PFKP: variants seen among roughly 807,000 people sequenced by gnomAD.
PFKP encodes the protein ATP-dependent 6-phosphofructokinase, platelet type.
In PFKP, 101 loss-of-function variants were observed where a neutral mutation model predicts 94.3. The ratio of observed to expected loss-of-function variants is 1.07; its 90% CI spans 0.91 to 1.26. The LOEUF is 1.26. PFKP is among the 50% of genes most tolerant of loss of function. PFKP has a pLI of 0.00. For synonymous variants in PFKP, 573 were observed against 432.6 expected (o/e 1.32, Z -4.03); for missense variants, 1,145 against 1,103.3 (o/e 1.04, Z -0.53).
intron 16 of PFKP, among the ~76,000 whole-genome samples, chr10:3,124,446 C>T (rs1837725263): frequency 6.6e-6 from 1 of 152,202 alleles, no homozygotes; most frequent in Admixed American, 6.5e-5. Context: ...GCGCATTTCC[C>T]AGTGGAACCC....
rs35568047 is a variant in PFKP, at chr10:3,121,062, T to TAA, written c.1683+1024_1683+1025dup. On this transcript the variant is annotated intron_variant, in intron 16 of 21. Coordinates refer to ENST00000381125, the MANE Select transcript of PFKP (RefSeq NM_002627.5). ...GAAACTTATTTCTAGCACTGGTAAA[T>TAA]AAAAAAACAAGCTTTTAACATACAG... 1.4e-4 allele frequency among the ~76,000 whole-genome samples: 21 copies of TAA among 152,232 alleles called. No individual in the cohort carries two copies. In the East Asian group the frequency reaches 3.3e-3, roughly 24 times the overall value.
At position 3,118,701 on chromosome 10, in the gene PFKP, C is replaced by A. The variant is rs555490365; in HGVS notation, c.1443-81C>A. 4.6e-5 allele frequency: 43 copies of A among 929,834 alleles called. No individual in the cohort carries two copies. In the South Asian group the frequency reaches 4.9e-4, roughly 11 times the overall value. The allele number at this position is 929,834 out of a possible 1,614,324, so 57.6% of individuals were successfully genotyped here. On this transcript the variant is annotated intron_variant, in intron 14 of 21. Transcript: ENST00000381125. ...AAAACCACAGACTGGGGAAGGCGGC[C>A]GGGTGGGGACCGGCGTGGCGTCCTG...
chr10:3,134,903 A>G (rs1327967708), intron 20 of PFKP, among the ~76,000 whole-genome samples: 1 of 152,124 alleles, frequency 6.6e-6, no homozygotes, highest in Non-Finnish European at 1.5e-5. Flanking sequence ...GGGGCCTTCT[A>G]TTTTTTGAAT....
intron 3 of PFKP, among the ~76,000 whole-genome samples, chr10:3,100,270 C>T (rs1488594527): frequency 6.6e-6 from 1 of 151,982 alleles, no homozygotes. Context: ...GTCCAGAGAG[C>T]ACCCCTGCCC....
intron 16 of PFKP, among the ~76,000 whole-genome samples, chr10:3,127,588 C>G: frequency 6.6e-6 from 1 of 152,192 alleles, no homozygotes; most frequent in Middle Eastern, 3.2e-3. Context: ...CGTCTTAAGT[C>G]TTAGATCACA....
In PFKP at chr10:3,067,582, T is replaced by A; in HGVS notation, c.-14T>A. 1 of 1,443,052 alleles carries A rather than the reference T, an allele frequency of 6.9e-7. No homozygotes were observed. Among genetic ancestry groups the A allele is most frequent in the Non-Finnish European group, 9.4e-7 (1 of 1,064,206 alleles). 89.4% of individuals were successfully genotyped at this position (1,443,052 alleles called of 1,614,324 possible). A position where few individuals can be genotyped will look rare whatever the true frequency, so the allele number is the denominator to read the frequency against. ...TGCGCACCCGGACGTGCGGCTCCCCTCGGCCTCCTCGCCATGGACGCGGAC... is the reference window on the plus strand; with the variant it reads ...TGCGCACCCGGACGTGCGGCTCCCCACGGCCTCCTCGCCATGGACGCGGAC... On this transcript the variant is annotated 5_prime_UTR_variant, in exon 1 of 22. Coordinates refer to ENST00000381125, the MANE Select transcript of PFKP (RefSeq NM_002627.5).
At chr10:3,087,151 G>T (rs1398699644) in intron 2 of PFKP, among the ~76,000 whole-genome samples, 1 of 152,102 alleles carries the variant, frequency 6.6e-6, no homozygotes, top group African/African-American at 2.4e-5. Context: ...TAGAGACGGG[G>T]TTTCAACATG....
At chr10:3,108,114 T>G in intron 8 of PFKP, 2 of 898,958 alleles carry the variant, frequency 2.2e-6, no homozygotes, top group Non-Finnish European at 3.1e-6. Context: ...GGCAAAGATT[T>G]TATTTCCCGC....
chr10:3,084,073 A>C (rs1359303165), intron 2 of PFKP, among the ~76,000 whole-genome samples: 7 of 152,196 alleles, frequency 4.6e-5, no homozygotes, highest in Non-Finnish European at 1.0e-4. Context: ...AGCTATTGTA[A>C]CACTGCAAGA....
At chr10:3,120,321 G>C (rs757108136) in intron 16 of PFKP, among the ~76,000 whole-genome samples, 9 of 152,044 alleles carry the variant, frequency 5.9e-5, no homozygotes, top group Non-Finnish European at 1.2e-4. Flanking sequence ...GAGGCGCTGA[G>C]GAGGGCTGGG....
intron 10 of PFKP, among the ~76,000 whole-genome samples, chr10:3,110,062 C>G (rs1423808812): frequency 6.6e-6 from 1 of 152,084 alleles, no homozygotes; most frequent in East Asian, 1.9e-4. Context: ...TCTGGTCACC[C>G]GAAGATACAC....
chr10:3,109,516 G>C, intron 10 of PFKP, 36 bp downstream of exon 10: 1 of 1,592,336 alleles, frequency 6.3e-7, no homozygotes, highest in African/African-American at 1.3e-5. Context: ...GCAGGGCGGA[G>C]ACGGCTGGGA....
chr10:3,075,074 G>T (rs889294615), intron 1 of PFKP, among the ~76,000 whole-genome samples: 1 of 152,192 alleles, frequency 6.6e-6, no homozygotes, highest in African/African-American at 2.4e-5. Context: ...GAATAGGTTG[G>T]GCTAGTTAAC....
intron 1 of PFKP, among the ~76,000 whole-genome samples, chr10:3,075,307 G>C (rs1464279632): frequency 6.6e-6 from 1 of 151,888 alleles, no homozygotes; most frequent in Non-Finnish European, 1.5e-5. Flanking sequence ...GGCCAGATTT[G>C]GGGGGGCCTG....
intron 1 of PFKP, among the ~76,000 whole-genome samples, chr10:3,074,894 G>C (rs572447568): frequency 7.2e-5 from 11 of 152,296 alleles, no homozygotes; most frequent in African/African-American, 2.4e-4. Flanking sequence ...CACAAATAGA[G>C]GTGTGAAGTG....
At chr10:3,113,217 G>A (rs769308957) in intron 12 of PFKP, 29 bp downstream of exon 12, 9 of 1,601,470 alleles carry the variant, frequency 5.6e-6, no homozygotes, top group South Asian at 2.2e-5. Context: ...GCGATGCCCC[G>A]ACCTCTCCTG....
chr10:3,094,910 G>A lies in PFKP; in HGVS notation c.187-4365G>A, dbSNP rs553990559. Among the ~76,000 whole-genome samples, 10 of 152,338 alleles carry A rather than the reference G, an allele frequency of 6.6e-5. No individual in the cohort carries two copies. In the East Asian group the frequency reaches 1.7e-3, roughly 26 times the overall value. On this transcript the variant is annotated intron_variant, in intron 2 of 21. Coordinates refer to ENST00000381125, the MANE Select transcript of PFKP (RefSeq NM_002627.5). Reference sequence around the variant, plus strand: ...CAAAAAAAATAGTATTTACTCAGAAGCAGCAAAGCCCCTACATCTCTGGAT... The same window carrying A: ...CAAAAAAAATAGTATTTACTCAGAAACAGCAAAGCCCCTACATCTCTGGAT...
At chr10:3,083,858 G>C (rs1201066784) in intron 2 of PFKP, among the ~76,000 whole-genome samples, 3 of 152,120 alleles carry the variant, frequency 2.0e-5, no homozygotes, top group Admixed American at 2.0e-4. Flanking sequence ...GGCCAGGCTG[G>C]TCTCGAACTC....
chr10:3,069,586 A>G (rs1171541165), intron 1 of PFKP, among the ~76,000 whole-genome samples: 1 of 152,042 alleles, frequency 6.6e-6, no homozygotes, highest in Admixed American at 6.5e-5. Flanking sequence ...GTTATTTTGG[A>G]ATTTAGGTGC....
Sources: allele counts gnomAD v4.1 joint callset (sites outside exome capture counted in the v4.1 genomes callset), GRCh38; gene constraint gnomAD v4.1.1; transcripts MANE v1.5; gene names NCBI Gene and HGNC (gene_info 2026-07-23, HGNC 2026-07-21).